NR1H4: variants seen among roughly 807,000 people sequenced by gnomAD.
NR1H4 encodes bile acid receptor.
A neutral mutation model predicts 58.5 loss-of-function variants in NR1H4; 23 were observed. The ratio of observed to expected loss-of-function variants is 0.39; its 90% CI spans 0.28 to 0.56. The LOEUF is 0.56. NR1H4 is among the 20% of genes least tolerant of loss of function. The probability of loss-of-function intolerance (pLI) is 0.58; values close to 1 mark genes in which losing one functional copy is unlikely to be tolerated. For synonymous variants in NR1H4, 214 were observed against 198.0 expected (o/e 1.08, Z -0.68); for missense variants, 487 against 576.9 (o/e 0.84, Z 1.60).
chr12:100,504,836 A>C (rs1480120327), intron 3 of NR1H4, among the ~76,000 whole-genome samples: 1 of 152,212 alleles, frequency 6.6e-6, no homozygotes, highest in Non-Finnish European at 1.5e-5. Flanking sequence ...TCAGCGTGGA[A>C]GATAAGCCTG....
In NR1H4 at chr12:100,563,682, A is replaced by G; in HGVS notation, c.*193A>G. On this transcript the variant is annotated 3_prime_UTR_variant, in exon 11 of 11. Coordinates refer to ENST00000392986, the MANE Select transcript of NR1H4 (RefSeq NM_001206979.2). ...AACAACTTTCTCTACATTGTGTTTT[A>G]AAAGGCTCCAGGGAATCCTGCATTC... is the stretch of plus-strand genomic sequence containing the variant. 1 of 590,702 alleles carries G rather than the reference A, an allele frequency of 1.7e-6. No homozygotes were observed. Among genetic ancestry groups the G allele is most frequent in the Non-Finnish European group, 3.0e-6 (1 of 334,158 alleles). The allele number at this position is 590,702 out of a possible 1,614,324, so 36.6% of individuals were successfully genotyped here. A position where few individuals can be genotyped will look rare whatever the true frequency, so the allele number is the denominator to read the frequency against.
In NR1H4 at chr12:100,493,292, T is replaced by TA; in HGVS notation, c.-29dup. On this transcript the variant is annotated 5_prime_UTR_variant, in exon 3 of 11. Transcript: ENST00000392986. ...CAGGAGTTTTTTTTGAAGACCACCA[T>TA]AAAGAAAGTGCATTTCAATTGAAAA... 1 of 1,111,382 alleles carries TA rather than the reference T, an allele frequency of 9.0e-7. No homozygotes were observed. Among genetic ancestry groups the TA allele is most frequent in the Non-Finnish European group, 1.4e-6 (1 of 734,224 alleles). The allele number at this position is 1,111,382 out of a possible 1,614,324, so 68.8% of individuals were successfully genotyped here. A position where few individuals can be genotyped will look rare whatever the true frequency, so the allele number is the denominator to read the frequency against.
At chr12:100,505,910 C>G in intron 3 of NR1H4, 1 of 316,778 alleles carries the variant, frequency 3.2e-6, no homozygotes, top group Non-Finnish European at 5.9e-6. Flanking sequence ...CCAAAACACA[C>G]AAACAAGAGA....
intron 3 of NR1H4, among the ~76,000 whole-genome samples, chr12:100,497,066 G>A (rs892471957): frequency 6.6e-6 from 1 of 152,090 alleles, no homozygotes; most frequent in African/African-American, 2.4e-5. Context: ...AGGGAAGGAG[G>A]GAAAACCAAA....
chr12:100,529,624 T>G lies in NR1H4; in HGVS notation c.446-2834T>G, dbSNP rs1954644263. On this transcript the variant is annotated intron_variant, in intron 4 of 10. Transcript: ENST00000392986. ...CTTTCTTGGAATTTTCATAACACCC[T>G]GTGTTTGCTCATTTTTCCGAATGTC... 2.0e-5 allele frequency among the ~76,000 whole-genome samples: 3 copies of G among 152,118 alleles called. No individual in the cohort carries two copies. In the South Asian group the frequency reaches 6.2e-4, roughly 32 times the overall value.
intron 9 of NR1H4, among the ~76,000 whole-genome samples, chr12:100,560,649 C>T (rs1017241183): frequency 1.1e-4 from 16 of 152,186 alleles, no homozygotes; most frequent in Middle Eastern, 3.2e-3. Flanking sequence ...CGAGGGTCCG[C>T]GGCTTCATTC....
intron 3 of NR1H4, among the ~76,000 whole-genome samples, chr12:100,500,324 C>G (rs192604505): frequency 2.6e-5 from 4 of 152,156 alleles, no homozygotes; most frequent in African/African-American, 9.6e-5. Flanking sequence ...TTTTTTCATG[C>G]CTTCATAGCT....
intron 3 of NR1H4, among the ~76,000 whole-genome samples, chr12:100,509,927 A>ACACACG: frequency 6.6e-6 from 1 of 152,360 alleles, no homozygotes; most frequent in South Asian, 2.1e-4. Flanking sequence ...ACACACACAC[A>ACACACG]CACACACACA....
At chr12:100,520,663 AGT>A (rs1450208598) in intron 4 of NR1H4, among the ~76,000 whole-genome samples, 1 of 152,192 alleles carries the variant, frequency 6.6e-6, no homozygotes, top group African/African-American at 2.4e-5. Context: ...CCTCAAAGCT[AGT>A]GACTGGAAGC....
intron 4 of NR1H4, among the ~76,000 whole-genome samples, chr12:100,517,897 G>A (rs1363850183): frequency 2.6e-5 from 4 of 152,168 alleles, no homozygotes; most frequent in African/African-American, 4.8e-5. Flanking sequence ...TAACTCCAGA[G>A]CCTGTATGAT....
chr12:100,491,082 A>G (rs1022230128), intron 1 of NR1H4, among the ~76,000 whole-genome samples: 3 of 152,264 alleles, frequency 2.0e-5, no homozygotes, highest in Admixed American at 2.0e-4. Flanking sequence ...GGCAGTAGCC[A>G]CTGTGCCTAG....
Position 100,536,989 on chromosome 12 carries a change from G to T in NR1H4, c.873G>T (p.Leu291Phe). Residue 291 changes from leucine to phenylalanine, a missense_variant, in exon 8 of 11, where the codon TTG becomes TTT. Physicochemically the swap from Leu to Phe is conservative, Grantham distance 22. Coordinates refer to ENST00000392986, the MANE Select transcript of NR1H4 (RefSeq NM_001206979.2). The part of the protein sequence containing the change: ...EFSAEENFLI[L>F]TEMATNHVQV... The stretch of plus-strand genomic sequence containing the variant: ...GTGCAGAAGAAAATTTTCTCATTTT[G>T]ACGGAAATGGCAACCAATCATGTAC... 1 of 1,602,956 alleles carries T rather than the reference G, an allele frequency of 6.2e-7. No individual in the cohort carries two copies. The highest frequency in any genetic ancestry group is 1.1e-5 in the South Asian group (1 of 87,344).
chr12:100,501,715 C>A (rs1358290494), intron 3 of NR1H4, among the ~76,000 whole-genome samples: 2 of 152,120 alleles, frequency 1.3e-5, no homozygotes, highest in Non-Finnish European at 2.9e-5. Context: ...TATAGCTCAC[C>A]TTTGCCTTTC....
At chr12:100,559,306 A>T (rs1404725565) in intron 9 of NR1H4, among the ~76,000 whole-genome samples, 1 of 152,100 alleles carries the variant, frequency 6.6e-6, no homozygotes, top group African/African-American at 2.4e-5. Flanking sequence ...TCAGCCCACC[A>T]CTGCACTGTG....
chr12:100,510,607 T>TTTTATA (rs373001024), intron 3 of NR1H4, among the ~76,000 whole-genome samples, 171 bp from the exon 4 acceptor site: 10 of 133,694 alleles, frequency 7.5e-5, no homozygotes, highest in Non-Finnish European at 1.3e-4. Context: ...TCATTTAATT[T>TTTTATA]TATATATATA....
At position 100,558,037 on chromosome 12, in the gene NR1H4, G is replaced by GT. The variant is rs533729526; in HGVS notation, c.1079-3840dup. 2.3e-4 allele frequency among the ~76,000 whole-genome samples: 35 copies of GT among 151,784 alleles called. No individual in the cohort carries two copies. The East Asian group carries it at 2.5e-3, about 11-fold the overall frequency. ...GCACAGAAGTGGCACTAAGAAGTCT[G>GT]TTTTTTTTGTTTTTGTTTTTGTTTT... On this transcript the variant is annotated intron_variant, in intron 9 of 10. Coordinates refer to ENST00000392986, the MANE Select transcript of NR1H4 (RefSeq NM_001206979.2).
At chr12:100,481,739 C>G (rs1953386070) in intron 1 of NR1H4, among the ~76,000 whole-genome samples, 1 of 151,986 alleles carries the variant, frequency 6.6e-6, no homozygotes, top group South Asian at 2.1e-4. Flanking sequence ...ACGGTGAAAC[C>G]CCATCTCTAC....
chr12:100,475,839 G>A lies in NR1H4; in HGVS notation c.-190+1780G>A, dbSNP rs556191643. On this transcript the variant is annotated intron_variant, in intron 1 of 10. Transcript: ENST00000392986. ...CAGCCTCCACCTCCCGGGTTCAAGC[G>A]ATTCTCCTGCCTCAGCCTCCTGAGT... Among the ~76,000 whole-genome samples the A allele has an allele frequency of 4.9e-4, 74 of 152,206 alleles. No homozygotes were observed. In the South Asian group the frequency reaches 0.015, roughly 30 times the overall value.
rs577193035 is a variant in NR1H4, at chr12:100,504,297, C to T, written c.80-6481C>T. On this transcript the variant is annotated intron_variant, in intron 3 of 10. Coordinates refer to ENST00000392986, the MANE Select transcript of NR1H4 (RefSeq NM_001206979.2). ...TTTAAATTTCCAGCAAGAAAAAACT[C>T]GAGTCATTTTTATAATAATGATAAT... 1.4e-3 allele frequency among the ~76,000 whole-genome samples: 220 copies of T among 152,106 alleles called. No homozygotes were observed. In the Middle Eastern group the frequency reaches 0.017, roughly 12 times the overall value.
Sources: gnomAD v4.1 joint callset for allele counts (sites outside exome capture counted in the v4.1 genomes callset) on GRCh38, gnomAD v4.1.1 for gene constraint, MANE v1.5 for transcripts, NCBI Gene and HGNC (gene_info 2026-07-23, HGNC 2026-07-21) for gene names.